Variants in CNTNAP5 observed in about 807,000 individuals in gnomAD.
CNTNAP5 encodes contactin-associated protein-like 5.
CNTNAP5 carries 72 observed loss-of-function variants against 150.2 expected under a neutral mutation model. That is an observed-to-expected ratio of 0.48 (90% CI 0.40 to 0.58). CNTNAP5 has a LOEUF of 0.58. CNTNAP5 is among the 20% of genes least tolerant of loss of function. CNTNAP5 has a pLI of 0.00. For missense variants in CNTNAP5, 1,636 were observed against 1,626.2 expected (o/e 1.01, Z -0.10); for synonymous variants, 672 against 619.8 (o/e 1.08, Z -1.25).
intron 12 of CNTNAP5, among the ~76,000 whole-genome samples, chr2:124,611,358 C>A (rs1677381334): frequency 1.3e-5 from 2 of 152,216 alleles, no homozygotes; most frequent in African/African-American, 4.8e-5. Context: ...ATACAAAGTC[C>A]TATGCTGTCT....
intron 3 of CNTNAP5, among the ~76,000 whole-genome samples, chr2:124,267,855 A>T (rs1687652555): frequency 6.6e-6 from 1 of 152,200 alleles, no homozygotes; most frequent in Non-Finnish European, 1.5e-5. Context: ...AGCAGAGGGA[A>T]AACATAATGC....
rs1692827489 is a variant in CNTNAP5, at chr2:124,446,743, C to T, written c.734-10C>T. ...ACAGACATCATCTTGCCTCTCTCCC[C>T]TCTTCACAGGTGACAGCAAAGCGCG... On this transcript the variant is annotated splice_polypyrimidine_tract_variant and intron_variant, in intron 5 of 23. Transcript: ENST00000682447. 3 of 1,610,940 alleles carry T rather than the reference C, an allele frequency of 1.9e-6. No homozygotes were observed. Among genetic ancestry groups the T allele is most frequent in the Non-Finnish European group, 2.5e-6 (3 of 1,178,320 alleles).
At chr2:124,088,875 T>A (rs1682757349) in intron 1 of CNTNAP5, among the ~76,000 whole-genome samples, 2 of 152,198 alleles carry the variant, frequency 1.3e-5, no homozygotes, top group South Asian at 4.1e-4. Context: ...GGTTCACCAC[T>A]CGGCCTTTGC....
intron 13 of CNTNAP5, among the ~76,000 whole-genome samples, chr2:124,710,965 C>T (rs1253695979): frequency 6.6e-6 from 1 of 152,038 alleles, no homozygotes; most frequent in East Asian, 1.9e-4. Context: ...TTTATCATCC[C>T]TTCATTTTAC....
intron 13 of CNTNAP5, among the ~76,000 whole-genome samples, chr2:124,713,031 A>G (rs1016437330): frequency 6.6e-6 from 1 of 152,126 alleles, no homozygotes; most frequent in Admixed American, 6.6e-5. Context: ...ATTTCAACAT[A>G]TGAATTTAGA....
chr2:124,047,989 A>G (rs564197532), intron 1 of CNTNAP5, among the ~76,000 whole-genome samples: 1 of 152,304 alleles, frequency 6.6e-6, no homozygotes, highest in East Asian at 1.9e-4. Flanking sequence ...GCACACACAC[A>G]GGACTTCTTT....
chr2:124,362,483 A>G (rs948005763), intron 3 of CNTNAP5, among the ~76,000 whole-genome samples: 36 of 152,180 alleles, frequency 2.4e-4, no homozygotes, highest in African/African-American at 8.0e-4. Flanking sequence ...TTATTTTTAT[A>G]TTACTATCAT....
Position 124,114,924 on chromosome 2 carries a change from C to T in CNTNAP5, c.82+89192C>T, listed in dbSNP as rs1683388724. 4.0e-5 allele frequency among the ~76,000 whole-genome samples: 6 copies of T among 151,712 alleles called. No homozygotes were observed. In the South Asian group the frequency reaches 1.2e-3, roughly 32 times the overall value. On this transcript the variant is annotated intron_variant, in intron 1 of 23. Transcript: ENST00000682447. ...TATGTCATTAATATAATGAATTACA[C>T]TGGTTAATTTTTAAATCTTAAACAA...
chr2:124,879,656 A>C (rs1558811243), intron 21 of CNTNAP5, among the ~76,000 whole-genome samples: 1 of 152,080 alleles, frequency 6.6e-6, no homozygotes, highest in Non-Finnish European at 1.5e-5. Flanking sequence ...ATTTGTTTTG[A>C]AGATATGAGA....
intron 3 of CNTNAP5, among the ~76,000 whole-genome samples, chr2:124,395,365 G>A (rs1430259): frequency 0.16 from 23,814 of 151,952 alleles, 1,923 homozygotes; most frequent in East Asian, 0.27. Flanking sequence ...AGTCCACTGC[G>A]GGCAACTTAC....
intron 14 of CNTNAP5, among the ~76,000 whole-genome samples, chr2:124,754,245 G>A (rs1006008034): frequency 5.3e-5 from 8 of 152,058 alleles, no homozygotes; most frequent in Non-Finnish European, 8.8e-5. Flanking sequence ...GCACACTAAC[G>A]TTCTATCCCT....
intron 19 of CNTNAP5, among the ~76,000 whole-genome samples, chr2:124,860,504 TTTCCTTCC>T (rs70999227): frequency 9.1e-4 from 16 of 17,500 alleles, no homozygotes; most frequent in African/African-American, 1.5e-3. Context: ...TCCTTCCTTC[TTTCCTTCC>T]TTCCTTCCTT....
intron 12 of CNTNAP5, among the ~76,000 whole-genome samples, chr2:124,622,119 G>T (rs928161742): frequency 2.1e-5 from 3 of 140,648 alleles, no homozygotes; most frequent in South Asian, 5.2e-4. Context: ...TCCCACCCCC[G>T]AACCCCCACC....
At chr2:124,655,768 G>A (rs1678430427) in intron 13 of CNTNAP5, among the ~76,000 whole-genome samples, 1 of 151,542 alleles carries the variant, frequency 6.6e-6, no homozygotes, top group African/African-American at 2.4e-5. Context: ...AGGTGTGGTG[G>A]GGCACACTTG....
intron 1 of CNTNAP5, among the ~76,000 whole-genome samples, chr2:124,103,854 T>C (rs1422352233): frequency 6.8e-6 from 1 of 147,898 alleles, no homozygotes; most frequent in African/African-American, 2.5e-5. Context: ...ATAATAGATA[T>C]ATATAAATAA....
intron 3 of CNTNAP5, among the ~76,000 whole-genome samples, chr2:124,356,917 C>T (rs1232729344): frequency 6.6e-6 from 1 of 151,778 alleles, no homozygotes; most frequent in Non-Finnish European, 1.5e-5. Context: ...GTTTACAGTC[C>T]CACCAACAGT....
chr2:124,375,726 C>A (rs1329818375), intron 3 of CNTNAP5, among the ~76,000 whole-genome samples: 1 of 151,952 alleles, frequency 6.6e-6, no homozygotes, highest in South Asian at 2.1e-4. Context: ...GACCGAGTGG[C>A]GTACAGATTC....
intron 1 of CNTNAP5, among the ~76,000 whole-genome samples, chr2:124,172,421 T>G (rs1365016418): frequency 6.6e-6 from 1 of 152,166 alleles, no homozygotes; most frequent in East Asian, 1.9e-4. Flanking sequence ...TCTTTTTCTT[T>G]CTTTCTTTTG....
chr2:124,677,187 G>T lies in CNTNAP5; in HGVS notation c.2077+29229G>T, dbSNP rs148829650. ...TGGGTTCACGGTCTCACTGACTTCAGGAGTGAAGCTGCAGACCTTCACAGT... is the reference window on the plus strand; with the variant it reads ...TGGGTTCACGGTCTCACTGACTTCATGAGTGAAGCTGCAGACCTTCACAGT... On this transcript the variant is annotated intron_variant, in intron 13 of 23. Transcript: ENST00000682447. Among the ~76,000 whole-genome samples the T allele has an allele frequency of 8.3e-3, 1,269 of 152,274 alleles. 19 individuals are homozygous for T. Among genetic ancestry groups the T allele is most frequent in the African/African-American group, 0.029 (1,191 of 41,546 alleles).
Sources: allele counts gnomAD v4.1 joint callset (sites outside exome capture counted in the v4.1 genomes callset), GRCh38; gene constraint gnomAD v4.1.1; transcripts MANE v1.5; gene names NCBI Gene and HGNC (gene_info 2026-07-23, HGNC 2026-07-21).